Variants in BNC2 observed in about 807,000 individuals in gnomAD.
BNC2 encodes the protein zinc finger protein basonuclin-2.
Under a neutral mutation model 76.3 loss-of-function variants are expected in BNC2, and 20 were observed. That is an observed-to-expected ratio of 0.26 (90% CI 0.18 to 0.38). BNC2 has a LOEUF of 0.38. Among genes scored for constraint, BNC2 ranks in the 10% least tolerant of loss-of-function variants. The pLI, the probability that BNC2 is intolerant of heterozygous loss-of-function variation, is 1.00. For missense variants in BNC2, 1,382 were observed against 1,399.8 expected (o/e 0.99, Z 0.20); for synonymous variants, 582 against 514.8 (o/e 1.13, Z -1.77).
chr9:16,483,888 C>T (rs1475867701), intron 5 of BNC2, among the ~76,000 whole-genome samples: 1 of 152,182 alleles, frequency 6.6e-6, no homozygotes, highest in Non-Finnish European at 1.5e-5. Flanking sequence ...TGTCCTAAAG[C>T]TTTTCTTTGC....
At chr9:16,701,097 A>C (rs1823498465) in intron 3 of BNC2, among the ~76,000 whole-genome samples, 1 of 152,144 alleles carries the variant, frequency 6.6e-6, no homozygotes, top group Non-Finnish European at 1.5e-5. Flanking sequence ...TATTAGGCTA[A>C]GGCTTTCTCA....
intron 3 of BNC2, among the ~76,000 whole-genome samples, chr9:16,613,899 T>C (rs1820622420): frequency 6.6e-6 from 1 of 151,990 alleles, no homozygotes; most frequent in Non-Finnish European, 1.5e-5. Context: ...ATTGCCTCGA[T>C]GACATCATGA....
intron 5 of BNC2, among the ~76,000 whole-genome samples, chr9:16,451,456 T>C (rs561404014): frequency 6.6e-6 from 1 of 152,054 alleles, no homozygotes; most frequent in African/African-American, 2.4e-5. Context: ...CTCCCTATTG[T>C]ACACAGAATA....
At chr9:16,694,021 T>A (rs955454632) in intron 3 of BNC2, among the ~76,000 whole-genome samples, 3 of 152,188 alleles carry the variant, frequency 2.0e-5, no homozygotes, top group African/African-American at 7.2e-5. Context: ...CTTCAAGTAA[T>A]CACCATCAAG....
chr9:16,766,246 T>G (rs920041670), intron 1 of BNC2, among the ~76,000 whole-genome samples: 1 of 152,214 alleles, frequency 6.6e-6, no homozygotes, highest in Non-Finnish European at 1.5e-5. Context: ...TATATCATAC[T>G]TATCTCTGCA....
chr9:16,657,291 A>G (rs1361490595), intron 3 of BNC2, among the ~76,000 whole-genome samples: 1 of 152,226 alleles, frequency 6.6e-6, no homozygotes, highest in African/African-American at 2.4e-5. Flanking sequence ...GGAGTCAGAA[A>G]AATAAAGATT....
At chr9:16,762,677 G>C (rs1371829711) in intron 1 of BNC2, among the ~76,000 whole-genome samples, 1 of 152,150 alleles carries the variant, frequency 6.6e-6, no homozygotes, top group Admixed American at 6.5e-5. Context: ...AGACAACGAG[G>C]AACAGAGCCT....
intron 5 of BNC2, among the ~76,000 whole-genome samples, chr9:16,476,458 T>A (rs1048237403): frequency 6.6e-6 from 1 of 151,980 alleles, no homozygotes; most frequent in Non-Finnish European, 1.5e-5. Context: ...TCCTCATTAA[T>A]TGCAACTCAT....
intron 4 of BNC2, among the ~76,000 whole-genome samples, chr9:16,582,242 G>C (rs1014928723): frequency 6.6e-6 from 1 of 152,022 alleles, no homozygotes; most frequent in African/African-American, 2.4e-5. Flanking sequence ...TTATTTCCAA[G>C]TCTCCTTTTA....
chr9:16,727,968 T>G lies in BNC2; in HGVS notation c.159A>C (p.Glu53Asp), dbSNP rs190711768. 1.1e-5 allele frequency: 17 copies of G among 1,614,032 alleles called. No individual in the cohort carries two copies. The highest frequency in any genetic ancestry group is 1.4e-5 in the Non-Finnish European group (17 of 1,180,010). ...GCTCTCTGTCTCTCTGTGTCTCTCT[T>G]TCTCTCACATCCACTTCTGCCTCTT... ...ESEEAEVDVR[E>D]RETQRDREPK... is the part of the protein sequence containing the mutation. The change falls in exon 3 of 7, where the codon GAA becomes GAC. Residue 53 changes from glutamate to aspartate, a missense_variant. Glu to Asp is a conservative substitution (Grantham distance 45, BLOSUM62 2). Around this residue, in one of 3 missense-constraint regions of BNC2, gnomAD observed 557 missense variants for 540.9 expected, o/e 1.03. Transcript: ENST00000380672.
Position 16,777,134 on chromosome 9 carries a change from ATAAT to A in BNC2, c.4-38653_4-38650del, listed in dbSNP as rs757750135. On this transcript the variant is annotated intron_variant, in intron 1 of 6. Transcript: ENST00000380672. ...GAGTGAGACTCCTGTCTCAAAAAAA[ATAAT>A]TAATTAATAAATTAAAAAATAAAAG... Among the ~76,000 whole-genome samples, 550 of 152,158 alleles carry A rather than the reference ATAAT, an allele frequency of 3.6e-3. 10 individuals are homozygous for A. The highest frequency in any genetic ancestry group is 4.8e-3 in the South Asian group (23 of 4,812).
chr9:16,443,717 T>C (rs1563786396), intron 5 of BNC2, among the ~76,000 whole-genome samples: 1 of 152,164 alleles, frequency 6.6e-6, no homozygotes, highest in Non-Finnish European at 1.5e-5. Context: ...AAAAGCATTA[T>C]GCTAAGAATG....
intron 5 of BNC2, among the ~76,000 whole-genome samples, chr9:16,448,887 C>T (rs948764602): frequency 6.6e-6 from 1 of 152,000 alleles, no homozygotes; most frequent in African/African-American, 2.4e-5. Flanking sequence ...TAAAAGGCAC[C>T]CACACATACA....
At chr9:16,609,339 G>T (rs1820474403) in intron 3 of BNC2, among the ~76,000 whole-genome samples, 2 of 152,094 alleles carry the variant, frequency 1.3e-5, no homozygotes, top group African/African-American at 4.8e-5. Context: ...AATAGAGGGG[G>T]GGAAACCATA....
intron 4 of BNC2, among the ~76,000 whole-genome samples, chr9:16,572,332 C>A (rs1037113044): frequency 3.3e-5 from 5 of 152,104 alleles, no homozygotes; most frequent in Non-Finnish European, 7.3e-5. Context: ...AGAATGAGAA[C>A]TGGAAAAGAA....
At chr9:16,773,998 T>C (rs1310481185) in intron 1 of BNC2, among the ~76,000 whole-genome samples, 3 of 152,066 alleles carry the variant, frequency 2.0e-5, no homozygotes. Flanking sequence ...GTTTTGTTTT[T>C]AAAGACACAG....
intron 5 of BNC2, among the ~76,000 whole-genome samples, chr9:16,451,445 G>T (rs1251353588): frequency 6.6e-6 from 1 of 151,928 alleles, no homozygotes; most frequent in East Asian, 1.9e-4. Flanking sequence ...ACCTTTCATG[G>T]CTCCCTATTG....
chr9:16,830,274 AC>A (rs1818550769), intron 1 of BNC2, among the ~76,000 whole-genome samples: 1 of 152,210 alleles, frequency 6.6e-6, no homozygotes, highest in Admixed American at 6.5e-5. Flanking sequence ...GGCAGTATTC[AC>A]CTAGTATAGC....
At chr9:16,796,026 T>C (rs1423504689) in intron 1 of BNC2, among the ~76,000 whole-genome samples, 3 of 152,092 alleles carry the variant, frequency 2.0e-5, no homozygotes, top group Non-Finnish European at 4.4e-5. Context: ...TTACGCAGTC[T>C]CAAAGCTCTT....
Sources: allele counts gnomAD v4.1 joint callset (sites outside exome capture counted in the v4.1 genomes callset), GRCh38; gene constraint gnomAD v4.1.1; regional missense constraint gnomAD v4.1.1; transcripts MANE v1.5; gene names NCBI Gene and HGNC (gene_info 2026-07-23, HGNC 2026-07-21).